COMP: variants seen among roughly 807,000 people sequenced by gnomAD.
The protein encoded by COMP is cartilage oligomeric matrix protein (pseudoachondroplasia, epiphyseal dysplasia 1, multiple).
In COMP, 79 loss-of-function variants were observed where a neutral mutation model predicts 95.8. The observed-to-expected ratio is 0.82, with a 90% CI of 0.69 to 0.99. COMP has a LOEUF of 0.99. Ranked by LOEUF, COMP falls within the 50% of genes least tolerant of loss-of-function variation. The pLI is 0.00. For synonymous variants in COMP, 438 were observed against 433.9 expected, an observed-to-expected ratio of 1.01 and a Z score of -0.12; for missense variants, 906 against 1,076.1, an observed-to-expected ratio of 0.84 and a Z score of 2.21.
In COMP at chr19:18,789,548, G is replaced by A. The variant is rs544687605; in HGVS notation, c.391-251C>T. Among the ~76,000 whole-genome samples the A allele has an allele frequency of 3.5e-4, 54 of 152,182 alleles. No individual in the cohort carries two copies. The highest frequency in any genetic ancestry group is 1.2e-3 in the African/African-American group (50 of 41,536). ...AGGATGAGGGCGGGCATCCCCAGCAGAGGGGGGCAGGGGTCGTCGGGGCGT... is the reference window on the plus strand; with the variant it reads ...AGGATGAGGGCGGGCATCCCCAGCAAAGGGGGGCAGGGGTCGTCGGGGCGT... On this transcript the variant is annotated intron_variant, in intron 4 of 18. Coordinates refer to ENST00000222271, the MANE Select transcript of COMP (RefSeq NM_000095.3). This position sits in a 1 kb window ranked among gnomAD's most constrained non-coding sequence, Gnocchi z 6.1.
At position 18,787,480 on chromosome 19, in the gene COMP, A is replaced by G. The variant is rs374900253; in HGVS notation, c.1135+11T>C. On this transcript the variant is annotated intron_variant, in intron 10 of 18. Transcript: ENST00000222271. ...CGCCTCTCCTCGCCCCCCAACCCCC[A>G]TCGAGCTCACGGTCGCCGTCGATGT... The G allele has an allele frequency of 5.6e-6, 9 of 1,597,412 alleles. No homozygotes were observed. The highest frequency in any genetic ancestry group is 1.8e-4 in the Middle Eastern group (1 of 5,556).
In COMP at chr19:18,784,144, G is replaced by T; in HGVS notation, c.2087+47C>A. The T allele has an allele frequency of 6.2e-7, 1 of 1,607,672 alleles. No homozygotes were observed. On this transcript the variant is annotated intron_variant, in intron 17 of 18. Transcript: ENST00000222271. The surrounding 1 kb of genome is among the most constrained non-coding windows in gnomAD (Gnocchi z 4.9). ...GCCTGGCCAGGGCACTCCCACCTGG[G>T]CCTGTGTGTCCCCAGCCCAGCCCAC...
At chr19:18,787,721 A>G in intron 9 of COMP, 71 bp from the exon 10 acceptor site, 3 of 1,591,826 alleles carry the variant, frequency 1.9e-6, no homozygotes, top group Non-Finnish European at 2.6e-6. Flanking sequence ...AGATTCCCAA[A>G]TCTCCGAGGA....
chr19:18,783,635 G>A (rs2055142357), intron 17 of COMP, among the ~76,000 whole-genome samples: 1 of 148,952 alleles, frequency 6.7e-6, no homozygotes, highest in South Asian at 2.1e-4. Context: ...TTGAGACAGA[G>A]TCTCACTCTT....
rs1056333727 is a variant in COMP, at chr19:18,786,101, C to T, written c.1353G>A (p.Val451=). The part of the protein sequence containing the change: ...HQDSRDNCPT[V]PNSAQEDSDH... ...CTGAGTCCTCCTGGGCACTGTTAGG[C>T]ACCGTGGGACAGTTGTCCCGAGAGT... The change falls in exon 13 of 19, where the codon GTG becomes GTA. Residue 451 remains valine, a synonymous_variant. Coordinates refer to ENST00000222271, the MANE Select transcript of COMP (RefSeq NM_000095.3). 1.1e-5 allele frequency: 18 copies of T among 1,614,174 alleles called. No homozygotes were observed. Among genetic ancestry groups the T allele is most frequent in the Non-Finnish European group, 1.4e-5 (17 of 1,180,048 alleles).
intron 17 of COMP, 26 bp from the exon 18 acceptor site, chr19:18,783,219 G>T (rs1291573201): frequency 6.2e-7 from 1 of 1,603,606 alleles, no homozygotes; most frequent in East Asian, 2.2e-5. Context: ...GGTGAGGCCT[G>T]GGGGACCTGG....
chr19:18,788,274 G>T lies in COMP; in HGVS notation c.913C>A (p.Arg305Ser), dbSNP rs1442994356. 3 of 1,613,172 alleles carry T rather than the reference G, an allele frequency of 1.9e-6. No homozygotes were observed. Among genetic ancestry groups the T allele is most frequent in the African/African-American group, 1.3e-5 (1 of 75,036 alleles). The change falls in exon 9 of 19, where the codon CGC (arginine) becomes AGC (serine). Residue 305 changes from arginine (R) to serine (S), a missense_variant. Transcript: ENST00000222271. This position sits in a 1 kb window ranked among gnomAD's most constrained non-coding sequence, Gnocchi z 4.7. ...TCGCAGGCGTCTCCGATGCCATCGC[G>T]GTCCACATCCTCCTGCCCTGAGTTG... ...VPNSGQEDVD[R>S]DGIGDACDPD... is the part of the protein sequence containing the mutation.
rs763485657 is a variant in COMP at position 18,786,639 on chromosome 19, G to A, written c.1147C>T (p.Gln383Ter). The A allele has an allele frequency of 2.5e-6, 4 of 1,613,780 alleles. No homozygotes were observed. In the Admixed American group the frequency reaches 5.0e-5, roughly 20 times the overall value. Residue 383 changes from glutamine to a stop codon, truncating the protein, a stop_gained, in exon 11 of 19, where the codon CAG becomes TAG. Coordinates refer to ENST00000222271, the MANE Select transcript of COMP (RefSeq NM_000095.3). LOFTEE classifies it high-confidence loss of function. ...GGTACCCTAGGGCAGTTGTCGGCCT[G>A]GTTGCGGATCCCTGCAGAAATCCAC... ...DDIDGDRIRN[Q>*]ADNCPRVPNS... is the part of the protein sequence containing the mutation.
intron 12 of COMP, 34 bp downstream of exon 12, chr19:18,786,205 C>T (rs1262559365): frequency 1.2e-6 from 2 of 1,614,158 alleles, no homozygotes; most frequent in Non-Finnish European, 1.7e-6. Flanking sequence ...TTGTCAAAGG[C>T]TACCCGGACG....
Position 18,789,206 on chromosome 19 carries a change from G to C in COMP, c.482C>G (p.Pro161Arg), listed in dbSNP as rs2055192362. The C allele has an allele frequency of 1.3e-6, 2 of 1,553,510 alleles. No individual in the cohort carries two copies. The highest frequency in any genetic ancestry group is 4.5e-5 in the East Asian group (2 of 44,276). ...CEACPPGYSG[P>R]THQGVGLAFA... Reference sequence around the variant, plus strand: ...AGCCAGCCCCACGCCCTGGTGGGTGGGGCCGCTGTACCCCGGCGGGCAAGC... The same window carrying C: ...AGCCAGCCCCACGCCCTGGTGGGTGCGGCCGCTGTACCCCGGCGGGCAAGC... Residue 161 changes from proline to arginine, a missense_variant, in exon 5 of 19, where the codon CCC (proline) becomes CGC (arginine). Pro to Arg is a moderately radical substitution (Grantham distance 103). Coordinates refer to ENST00000222271, the MANE Select transcript of COMP (RefSeq NM_000095.3). The surrounding 1 kb of genome is among the most constrained non-coding windows in gnomAD (Gnocchi z 6.1).
Position 18,784,776 on chromosome 19 carries a change from C to G in COMP, c.1914+120G>C. ...GGAGCCCAGAGGAGGGCTGGGACAG[C>G]TTTGAGGTCCATAGTATGAGGCTAG... On this transcript the variant is annotated intron_variant, in intron 16 of 18. Transcript: ENST00000222271. The surrounding 1 kb of genome is among the most constrained non-coding windows in gnomAD (Gnocchi z 4.9). 8.8e-7 allele frequency: 1 copy of G among 1,136,124 alleles called. No homozygotes were observed. The highest frequency in any genetic ancestry group is 1.3e-6 in the Non-Finnish European group (1 of 769,062). 70.4% of individuals were successfully genotyped at this position (1,136,124 alleles called of 1,614,324 possible).
At chr19:18,783,555 A>G (rs970353203) in intron 17 of COMP, among the ~76,000 whole-genome samples, 1 of 151,624 alleles carries the variant, frequency 6.6e-6, no homozygotes, top group Non-Finnish European at 1.5e-5. Context: ...CCCAGACTCA[A>G]CTGACCTCAG....
rs778630374 is a variant in COMP, at chr19:18,788,817, C to T, written c.603+22G>A. ...CTCGCCCCACCTCCCGCGATCCTTT[C>T]TTCCTCCCCAGCGGGCCTTACCCGG... On this transcript the variant is annotated intron_variant, in intron 6 of 18. Coordinates refer to ENST00000222271, the MANE Select transcript of COMP (RefSeq NM_000095.3). The surrounding 1 kb of genome is among the most constrained non-coding windows in gnomAD (Gnocchi z 4.7). The T allele has an allele frequency of 8.7e-6, 14 of 1,613,048 alleles. No individual in the cohort carries two copies. The highest frequency in any genetic ancestry group is 3.3e-4 in the Middle Eastern group (2 of 6,058).
rs1243129384 is a variant in COMP, at chr19:18,791,281, G to A, written c.-12C>T. 13 of 1,584,932 alleles carry A rather than the reference G, an allele frequency of 8.2e-6. No individual in the cohort carries two copies. Among genetic ancestry groups the A allele is most frequent in the African/African-American group, 1.3e-5 (1 of 74,736 alleles). On this transcript the variant is annotated 5_prime_UTR_variant, in exon 1 of 19. Coordinates refer to ENST00000222271, the MANE Select transcript of COMP (RefSeq NM_000095.3). ...GTGTCGGGGACCATGGCGGTGGCGG[G>A]GAGCTGGGTGGCTGCTCGCTTTCTA...
chr19:18,789,840 G>C lies in COMP; in HGVS notation c.390+102C>G. 1 of 1,414,052 alleles carries C rather than the reference G, an allele frequency of 7.1e-7. No individual in the cohort carries two copies. The highest frequency in any genetic ancestry group is 9.7e-7 in the Non-Finnish European group (1 of 1,032,286). The allele number at this position is 1,414,052 out of a possible 1,614,324, so 87.6% of individuals were successfully genotyped here. ...CGCCCCCGGAGGTGAGAGGCTCTTCGGGGCGAACACTCCCAGTGGAGGAAG... is the reference window on the plus strand; with the variant it reads ...CGCCCCCGGAGGTGAGAGGCTCTTCCGGGCGAACACTCCCAGTGGAGGAAG... On this transcript the variant is annotated intron_variant, in intron 4 of 18. Transcript: ENST00000222271. The surrounding 1 kb of genome is among the most constrained non-coding windows in gnomAD (Gnocchi z 6.1).
Position 18,789,872 on chromosome 19 carries a change from C to A in COMP, c.390+70G>T, listed in dbSNP as rs972084083. ...ACACTCCCAGTGGAGGAAGGGGTCT[C>A]CCGGGCGGCGAGAGATTGGGGGGCG... On this transcript the variant is annotated intron_variant, in intron 4 of 18. Coordinates refer to ENST00000222271, the MANE Select transcript of COMP (RefSeq NM_000095.3). This position sits in a 1 kb window ranked among gnomAD's most constrained non-coding sequence, Gnocchi z 6.1. 5.1e-6 allele frequency: 8 copies of A among 1,556,998 alleles called. No individual in the cohort carries two copies. The highest frequency in any genetic ancestry group is 6.9e-6 in the Non-Finnish European group (8 of 1,152,558).
chr19:18,787,867 TTTCTTTCTTTC>T lies in COMP; in HGVS notation c.976-228_976-218del, dbSNP rs1568555763. Among the ~76,000 whole-genome samples the T allele has an allele frequency of 3.8e-3, 423 of 111,472 alleles. 6 individuals carry two copies. The highest frequency in any genetic ancestry group is 5.9e-3 in the Admixed American group (56 of 9,460). The allele number at this position is 111,472 out of a possible 152,430, so 73.1% of individuals were successfully genotyped here. A position where few individuals can be genotyped will look rare whatever the true frequency, so the allele number is the denominator to read the frequency against. Reference sequence around the variant, plus strand: ...TTTCTTTTTTCTTTTTCTTTTTCTCTTTCTTTCTTTCTTTCTTTCTTTCTTTCTTTCTTTCT... The same window carrying T: ...TTTCTTTTTTCTTTTTCTTTTTCTCTTTTCTTTCTTTCTTTCTTTCTTTCT... On this transcript the variant is annotated intron_variant, in intron 9 of 18. Transcript: ENST00000222271.
At chr19:18,790,980 TC>T in intron 1 of COMP, 45 bp from the exon 2 acceptor site, 1 of 1,544,812 alleles carries the variant, frequency 6.5e-7, no homozygotes. Flanking sequence ...GGCCGGGGAA[TC>T]CCACCACCAA....
chr19:18,785,044 T>G lies in COMP; in HGVS notation c.1766A>C (p.Asn589Thr). 6.2e-7 allele frequency: 1 copy of G among 1,614,110 alleles called. No homozygotes were observed. Among genetic ancestry groups the G allele is most frequent in the South Asian group, 1.1e-5 (1 of 91,078 alleles). Residue 589 changes from asparagine (N) to threonine (T), a missense_variant, in exon 16 of 19, where the codon AAC (asparagine) becomes ACC (threonine). By Grantham distance (65) the Asn-to-Thr change is moderately conservative (BLOSUM62 0). Transcript: ENST00000222271. ...CGCATAGTCGTCATCCGTGACCGTG[T>G]TCACATGGAACGTGCCCTCGAAGTC... ...GVDFEGTFHVNTVTDDDYAGF... is the reference protein window; with the variant it reads ...GVDFEGTFHVTTVTDDDYAGF...
Sources: allele counts gnomAD v4.1 joint callset (sites outside exome capture counted in the v4.1 genomes callset), GRCh38; gene constraint gnomAD v4.1.1; non-coding constraint Gnocchi (gnomAD v3.1); transcripts MANE v1.5; gene names NCBI Gene and HGNC (gene_info 2026-07-23, HGNC 2026-07-21).